PDZRN3: variants seen among roughly 807,000 people sequenced by gnomAD.
PDZRN3 encodes the protein PDZ domain containing ring finger 3, also known as E3 ubiquitin-protein ligase PDZRN3.
A neutral mutation model predicts 85.7 loss-of-function variants in PDZRN3; 38 were observed. The observed-to-expected ratio is 0.44, with a 90% CI of 0.34 to 0.58. The LOEUF (loss-of-function observed/expected upper bound fraction) is 0.58, where lower values mean the gene tolerates loss of function less well. Ranked by LOEUF, PDZRN3 falls within the 20% of genes least tolerant of loss-of-function variation. The probability of loss-of-function intolerance (pLI) is 0.01; values close to 1 mark genes in which losing one functional copy is unlikely to be tolerated. For missense variants in PDZRN3, 1,629 were observed against 1,506.4 expected, an observed-to-expected ratio of 1.08 and a Z score of -1.35; for synonymous variants, 759 against 638.0, an observed-to-expected ratio of 1.19 and a Z score of -2.86.
chr3:73,587,942 C>T (rs900095335), intron 3 of PDZRN3, among the ~76,000 whole-genome samples: 1 of 152,176 alleles, frequency 6.6e-6, no homozygotes, highest in East Asian at 1.9e-4. Flanking sequence ...GTTAACACTA[C>T]TTGTTTTTTA....
chr3:73,500,144 C>T (rs1703949815), intron 3 of PDZRN3, among the ~76,000 whole-genome samples: 1 of 152,060 alleles, frequency 6.6e-6, no homozygotes, highest in Non-Finnish European at 1.5e-5. Flanking sequence ...CAGCCTTGAT[C>T]TCATGGGTTC....
intron 3 of PDZRN3, among the ~76,000 whole-genome samples, chr3:73,523,474 T>C (rs1427683363): frequency 6.6e-6 from 1 of 152,078 alleles, no homozygotes; most frequent in Non-Finnish European, 1.5e-5. Context: ...TATGTACACA[T>C]TAATATATGT....
At chr3:73,546,179 T>C (rs1701419123) in intron 3 of PDZRN3, among the ~76,000 whole-genome samples, 1 of 152,102 alleles carries the variant, frequency 6.6e-6, no homozygotes, top group South Asian at 2.1e-4. Flanking sequence ...CTGGGTGAAA[T>C]TCACTGGAGG....
intron 3 of PDZRN3, among the ~76,000 whole-genome samples, chr3:73,476,754 T>C (rs1001123467): frequency 1.3e-5 from 2 of 152,180 alleles, no homozygotes; most frequent in African/African-American, 4.8e-5. Context: ...TGAGAGAAAC[T>C]GAGGCCTCTT....
chr3:73,583,300 CT>C (rs1332864577), intron 3 of PDZRN3, among the ~76,000 whole-genome samples: 1 of 152,248 alleles, frequency 6.6e-6, no homozygotes, highest in Non-Finnish European at 1.5e-5. Context: ...CCCTTATCCA[CT>C]ATACATACTG....
chr3:73,575,533 C>T (rs1209042218), intron 3 of PDZRN3, among the ~76,000 whole-genome samples: 1 of 152,106 alleles, frequency 6.6e-6, no homozygotes, highest in African/African-American at 2.4e-5. Context: ...AAGTTAACTA[C>T]CAAATTTCAT....
intron 3 of PDZRN3, among the ~76,000 whole-genome samples, chr3:73,532,503 T>C (rs2106758611): frequency 6.6e-6 from 1 of 152,368 alleles, no homozygotes; most frequent in South Asian, 2.1e-4. Context: ...ATGGCGTTCC[T>C]TGAGTCATCT....
At chr3:73,408,592 G>A (rs1169680841) in intron 3 of PDZRN3, among the ~76,000 whole-genome samples, 3 of 151,694 alleles carry the variant, frequency 2.0e-5, no homozygotes, top group East Asian at 1.9e-4. Flanking sequence ...TGGAGGAGGG[G>A]GGGGGGTGCA....
At chr3:73,618,055 C>G (rs143133345) in intron 1 of PDZRN3, among the ~76,000 whole-genome samples, 1 of 152,158 alleles carries the variant, frequency 6.6e-6, no homozygotes, top group Non-Finnish European at 1.5e-5. Context: ...TCCATGTGCT[C>G]TACACTGGAC....
chr3:73,598,372 G>A (rs1212176956), intron 3 of PDZRN3, among the ~76,000 whole-genome samples: 1 of 152,176 alleles, frequency 6.6e-6, no homozygotes, highest in Non-Finnish European at 1.5e-5. Flanking sequence ...ACATCAGGGA[G>A]AAATTAAATT....
intron 3 of PDZRN3, among the ~76,000 whole-genome samples, chr3:73,443,498 T>TTGGGG (rs57581231): frequency 2.3e-5 from 3 of 129,116 alleles, no homozygotes; most frequent in African/African-American, 7.9e-5. Context: ...TTTTTTTTTT[T>TTGGGG]GGGGGGGGGA....
chr3:73,614,519 T>C (rs1702732620), intron 1 of PDZRN3, among the ~76,000 whole-genome samples: 1 of 152,216 alleles, frequency 6.6e-6, no homozygotes, highest in African/African-American at 2.4e-5. Context: ...CTGGCTAGAC[T>C]GGAAAGCTGC....
chr3:73,590,162 G>GT lies in PDZRN3; in HGVS notation c.918+12191_918+12192insA, dbSNP rs930409878. Among the ~76,000 whole-genome samples the GT allele has an allele frequency of 3.0e-4, 13 of 43,328 alleles. No individual in the cohort carries two copies. The East Asian group carries it at 4.9e-3, about 16-fold the overall frequency. 28.4% of individuals were successfully genotyped at this position (43,328 alleles called of 152,430 possible). A position where few individuals can be genotyped will look rare whatever the true frequency, so the allele number is the denominator to read the frequency against. Reference sequence around the variant, plus strand: ...CGGGCACCTGTAATCCCAGCTACTTGGGGGGCTGAGGCACAAGAATCGCTT... The same window carrying GT: ...CGGGCACCTGTAATCCCAGCTACTTGTGGGGGCTGAGGCACAAGAATCGCTT... On this transcript the variant is annotated intron_variant, in intron 3 of 9. Coordinates refer to ENST00000263666, the MANE Select transcript of PDZRN3 (RefSeq NM_015009.3).
chr3:73,569,438 T>G, intron 3 of PDZRN3: 1 of 1,137,856 alleles, frequency 8.8e-7, no homozygotes, highest in Admixed American at 4.4e-5. Context: ...CATGTCACGT[T>G]CTCTTAAGCC....
chr3:73,532,177 T>A (rs770216818), intron 3 of PDZRN3, among the ~76,000 whole-genome samples: 133 of 147,316 alleles, frequency 9.0e-4, no homozygotes, highest in Non-Finnish European at 1.6e-3. Flanking sequence ...ATTTTCTGTA[T>A]TTTTTTTTTA....
intron 3 of PDZRN3, among the ~76,000 whole-genome samples, chr3:73,576,114 TCA>T (rs112084529): frequency 1.3e-5 from 2 of 151,752 alleles, no homozygotes; most frequent in East Asian, 3.9e-4. Context: ...ATACTCTCTC[TCA>T]CACACACACA....
chr3:73,581,791 T>G (rs558619067), intron 3 of PDZRN3, among the ~76,000 whole-genome samples: 1 of 143,878 alleles, frequency 7.0e-6, no homozygotes, highest in East Asian at 2.0e-4. Flanking sequence ...TGCTTCTGTG[T>G]AAAGACAATG....
chr3:73,576,967 A>ATAG (rs1702134036), intron 3 of PDZRN3, among the ~76,000 whole-genome samples: 1 of 152,240 alleles, frequency 6.6e-6, no homozygotes, highest in East Asian at 1.9e-4. Flanking sequence ...AGCACTGATT[A>ATAG]CAGGGTTGTC....
intron 3 of PDZRN3, among the ~76,000 whole-genome samples, chr3:73,582,149 T>TTTGTA (rs1226970002): frequency 1.3e-5 from 2 of 152,136 alleles, no homozygotes; most frequent in African/African-American, 2.4e-5. Flanking sequence ...GTGTTTCTAT[T>TTTGTA]TTGTATAATC....
Sources: gnomAD v4.1 joint callset for allele counts (sites outside exome capture counted in the v4.1 genomes callset) on GRCh38, gnomAD v4.1.1 for gene constraint, MANE v1.5 for transcripts, NCBI Gene and HGNC (gene_info 2026-07-23, HGNC 2026-07-21) for gene names.